The following STIM1 variants were observed in gnomAD, a reference collection of about 807,000 sequenced individuals.
The protein encoded by STIM1 is stromal interaction molecule 1.
Under a neutral mutation model 74.7 loss-of-function variants are expected in STIM1, and 25 were observed. That is an observed-to-expected ratio of 0.33 (90% CI 0.24 to 0.47). STIM1 has a LOEUF of 0.47. STIM1 is among the 20% of genes least tolerant of loss of function. The pLI is 1.00. For synonymous variants in STIM1, 328 were observed against 348.8 expected (o/e 0.94, Z 0.66); for missense variants, 728 against 920.8 (o/e 0.79, Z 2.71).
chr11:4,087,547 C>T (rs189628497), intron 12 of STIM1, among the ~76,000 whole-genome samples: 57 of 152,082 alleles, frequency 3.7e-4, no homozygotes, highest in Admixed American at 2.7e-3. Flanking sequence ...GCTAGAATGA[C>T]GAAGGCTCCG....
chr11:3,897,878 T>G (rs2135418360), intron 1 of STIM1, among the ~76,000 whole-genome samples: 1 of 152,230 alleles, frequency 6.6e-6, no homozygotes, highest in East Asian at 1.9e-4. Flanking sequence ...TATTCCATGG[T>G]GTATATGTGC....
At chr11:3,882,162 C>T (rs1180908761) in intron 1 of STIM1, among the ~76,000 whole-genome samples, 2 of 133,484 alleles carry the variant, frequency 1.5e-5, no homozygotes, top group East Asian at 2.2e-4. Flanking sequence ...TGCAATGGTG[C>T]GATCTTGGCT....
At chr11:4,048,972 G>T (rs1263581962) in intron 3 of STIM1, among the ~76,000 whole-genome samples, 1 of 152,216 alleles carries the variant, frequency 6.6e-6, no homozygotes, top group Non-Finnish European at 1.5e-5. Flanking sequence ...GACCTCAGGT[G>T]ATCTGCCCGC....
chr11:3,915,110 T>G (rs2092624166), intron 1 of STIM1, among the ~76,000 whole-genome samples: 1 of 152,146 alleles, frequency 6.6e-6, no homozygotes, highest in Non-Finnish European at 1.5e-5. Context: ...AATTAGGTTG[T>G]TTTTTGTTGT....
At chr11:3,967,491 G>A in intron 1 of STIM1, 61 bp from the exon 2 acceptor site, 1 of 1,612,626 alleles carries the variant, frequency 6.2e-7, no homozygotes, top group South Asian at 1.1e-5. Flanking sequence ...GCTGACACAG[G>A]TGGGTGATAG....
At chr11:4,016,934 G>A (rs1446002197) in intron 2 of STIM1, among the ~76,000 whole-genome samples, 1 of 152,260 alleles carries the variant, frequency 6.6e-6, no homozygotes, top group Non-Finnish European at 1.5e-5. Flanking sequence ...GAAAAGTGCG[G>A]TATTTGGGCA....
chr11:3,856,505 A>G, intron 1 of STIM1, 96 bp downstream of exon 1: 1 of 1,436,162 alleles, frequency 7.0e-7, no homozygotes, highest in Non-Finnish European at 9.4e-7. Flanking sequence ...TGTACATGTG[A>G]GGTTCATGGA....
chr11:3,942,260 G>A (rs2093020687), intron 1 of STIM1, among the ~76,000 whole-genome samples: 1 of 152,190 alleles, frequency 6.6e-6, no homozygotes, highest in Admixed American at 6.5e-5. Context: ...GCTGTGCAGA[G>A]AAGCACTAAT....
At chr11:3,975,957 C>G (rs1415495766) in intron 2 of STIM1, among the ~76,000 whole-genome samples, 2 of 152,142 alleles carry the variant, frequency 1.3e-5, no homozygotes, top group African/African-American at 4.8e-5. Flanking sequence ...AAATATATGT[C>G]CCAGCAATTC....
In STIM1 at chr11:3,895,789, TTCCTTCCTTCCTTC is replaced by T. The variant is rs1282489490; in HGVS notation, c.139+39381_139+39394del. On this transcript the variant is annotated intron_variant, in intron 1 of 12. Coordinates refer to ENST00000526596, the MANE Select transcript of STIM1 (RefSeq NM_001382567.1). ...CTTCCTTCCTTCCTTCCTTCCTTCC[TTCCTTCCTTCCTTC>T]CTTTCTTTCCTTCCTTCTTTCTTTT... 3.1e-3 allele frequency among the ~76,000 whole-genome samples: 304 copies of T among 97,110 alleles called. 30 individuals are homozygous for T. The highest frequency in any genetic ancestry group is 0.014 in the African/African-American group (222 of 16,202). 63.7% of individuals were successfully genotyped at this position (97,110 alleles called of 152,430 possible). A position where few individuals can be genotyped will look rare whatever the true frequency, so the allele number is the denominator to read the frequency against.
intron 3 of STIM1, chr11:4,049,758 A>G (rs1051472678): frequency 1.1e-5 from 1 of 94,180 alleles, no homozygotes; most frequent in Non-Finnish European, 2.8e-5. Flanking sequence ...ACACACACAC[A>G]CACACATGCT....
intron 5 of STIM1, 49 bp from the exon 6 acceptor site, chr11:4,069,977 A>G (rs371782400): frequency 1.2e-6 from 2 of 1,604,294 alleles, no homozygotes; most frequent in Non-Finnish European, 1.7e-6. Flanking sequence ...CTGCAAGGCT[A>G]AGTGTGCAGT....
At chr11:4,040,042 T>A (rs1371334959) in intron 3 of STIM1, among the ~76,000 whole-genome samples, 1 of 151,982 alleles carries the variant, frequency 6.6e-6, no homozygotes, top group Non-Finnish European at 1.5e-5. Flanking sequence ...GTGCTGGGAT[T>A]ACAGGTGTAA....
rs2094527567 is a variant in STIM1, at chr11:4,091,917, G to C, written c.*119G>C. The C allele has an allele frequency of 7.1e-7, 1 of 1,401,434 alleles. No individual in the cohort carries two copies. The highest frequency in any genetic ancestry group is 9.8e-7 in the Non-Finnish European group (1 of 1,020,664). 86.8% of individuals were successfully genotyped at this position (1,401,434 alleles called of 1,614,324 possible). A position where few individuals can be genotyped will look rare whatever the true frequency, so the allele number is the denominator to read the frequency against. Reference sequence around the variant, plus strand: ...GTGGGGCATGGGAAGGGCTGGTCCAGGGGTCTGGGCACTGTACATACCTGC... The same window carrying C: ...GTGGGGCATGGGAAGGGCTGGTCCACGGGTCTGGGCACTGTACATACCTGC... On this transcript the variant is annotated 3_prime_UTR_variant, in exon 13 of 13. Transcript: ENST00000526596.
chr11:3,999,213 CTGTAG>C (rs2093689434), intron 2 of STIM1, among the ~76,000 whole-genome samples: 1 of 152,206 alleles, frequency 6.6e-6, no homozygotes, highest in African/African-American at 2.4e-5. Context: ...GCCCCTGTGC[CTGTAG>C]TCCAAGCTAC....
At chr11:4,004,155 G>T (rs985843194) in intron 2 of STIM1, among the ~76,000 whole-genome samples, 2 of 152,148 alleles carry the variant, frequency 1.3e-5, no homozygotes, top group Admixed American at 1.3e-4. Flanking sequence ...CATGAAAATG[G>T]CCATGCTGCC....
chr11:3,965,398 A>G (rs2093329850), intron 1 of STIM1, among the ~76,000 whole-genome samples: 1 of 152,228 alleles, frequency 6.6e-6, no homozygotes. Flanking sequence ...CTGAGAGAAA[A>G]ATGAGATATG....
At chr11:4,043,229 A>G (rs1590669085) in intron 3 of STIM1, among the ~76,000 whole-genome samples, 1 of 152,272 alleles carries the variant, frequency 6.6e-6, no homozygotes, top group South Asian at 2.1e-4. Context: ...CTACCTCAGA[A>G]TAAAACAGGA....
intron 3 of STIM1, among the ~76,000 whole-genome samples, chr11:4,036,489 C>CT (rs754414455): frequency 2.6e-5 from 4 of 151,620 alleles, no homozygotes; most frequent in Non-Finnish European, 5.9e-5. Context: ...AAAAGTGTTC[C>CT]TTTTTCTCTG....
Sources: gnomAD v4.1 joint callset for allele counts (sites outside exome capture counted in the v4.1 genomes callset) on GRCh38, gnomAD v4.1.1 for gene constraint, MANE v1.5 for transcripts, NCBI Gene and HGNC (gene_info 2026-07-23, HGNC 2026-07-21) for gene names.